The following MAF variants were observed in gnomAD, a reference collection of about 807,000 sequenced individuals.
The protein encoded by MAF is MAF bZIP transcription factor.
In MAF, 10 loss-of-function variants were observed where a neutral mutation model predicts 22.0. That is an observed-to-expected ratio of 0.45 (90% CI 0.28 to 0.77). The LOEUF (loss-of-function observed/expected upper bound fraction) is 0.77. Among genes scored for constraint, MAF ranks in the 30% least tolerant of loss-of-function variants. MAF has a pLI of 0.12. For synonymous variants in MAF, 337 were observed against 255.8 expected (o/e 1.32, Z -3.03); for missense variants, 544 against 548.4 (o/e 0.99, Z 0.08).
At chr16:79,235,355 C>A in the MAF span, among the ~76,000 whole-genome samples, 1 of 151,938 alleles carries the variant, frequency 6.6e-6, no homozygotes, top group South Asian at 2.1e-4. Context: ...GAGTTTGAGG[C>A]AAGCCTGGGG....
chr16:79,458,780 T>G, the MAF span, among the ~76,000 whole-genome samples: 1 of 152,170 alleles, frequency 6.6e-6, no homozygotes, highest in Non-Finnish European at 1.5e-5. Context: ...CCTTTGCATT[T>G]GCCAAAGGTC....
downstream of MAF, among the ~76,000 whole-genome samples, chr16:79,581,960 C>T (rs972083189): frequency 6.6e-6 from 1 of 152,128 alleles, no homozygotes; most frequent in Admixed American, 6.5e-5. Flanking sequence ...GGTATTAGTT[C>T]CTATGTGAAA....
the MAF span, among the ~76,000 whole-genome samples, chr16:79,386,150 T>G: frequency 2.8e-3 from 425 of 152,346 alleles, 4 homozygotes; most frequent in South Asian, 3.7e-3. Context: ...CCATGGGTTG[T>G]TGAGGGCATA....
At chr16:79,394,783 G>T in the MAF span, among the ~76,000 whole-genome samples, 19 of 152,256 alleles carry the variant, frequency 1.2e-4, 1 homozygote, top group Middle Eastern at 3.4e-3. Flanking sequence ...GTGCAACCTA[G>T]GTAGCAGGTT....
At chr16:79,425,218 T>C in the MAF span, among the ~76,000 whole-genome samples, 1 of 152,214 alleles carries the variant, frequency 6.6e-6, no homozygotes, top group Non-Finnish European at 1.5e-5. Flanking sequence ...TACATTCCCA[T>C]CTATTTGATT....
chr16:79,497,988 C>T, the MAF span, among the ~76,000 whole-genome samples: 1 of 152,198 alleles, frequency 6.6e-6, no homozygotes, highest in African/African-American at 2.4e-5. Context: ...ACAAGATATG[C>T]ACAGAGACTA....
chr16:79,212,056 C>G, the MAF span: 14 of 1,536,364 alleles, frequency 9.1e-6, no homozygotes, highest in South Asian at 1.4e-4. Flanking sequence ...AAGTAAAAAC[C>G]TGCTTGGTGT....
downstream of MAF, among the ~76,000 whole-genome samples, chr16:79,582,153 A>T (rs1302065424): frequency 6.6e-6 from 1 of 152,218 alleles, no homozygotes; most frequent in Non-Finnish European, 1.5e-5. Flanking sequence ...TAATTTCATT[A>T]GGTGTCAGGA....
At chr16:79,407,583 C>T in the MAF span, among the ~76,000 whole-genome samples, 1 of 152,238 alleles carries the variant, frequency 6.6e-6, no homozygotes, top group East Asian at 1.9e-4. Context: ...AACATCATGG[C>T]CATGGCACGA....
the MAF span, among the ~76,000 whole-genome samples, chr16:79,387,548 A>G: frequency 6.6e-6 from 1 of 152,138 alleles, no homozygotes; most frequent in African/African-American, 2.4e-5. Context: ...TGGGTAAGGC[A>G]ATGGCGACCA....
At chr16:79,267,300 C>G in the MAF span, among the ~76,000 whole-genome samples, 1 of 152,174 alleles carries the variant, frequency 6.6e-6, no homozygotes, top group Non-Finnish European at 1.5e-5. Flanking sequence ...CTAGCACTTG[C>G]AGTTAGATCT....
At chr16:79,527,398 C>G in the MAF span, among the ~76,000 whole-genome samples, 2 of 152,226 alleles carry the variant, frequency 1.3e-5, no homozygotes, top group Non-Finnish European at 2.9e-5. Flanking sequence ...CCTGGCATCT[C>G]AAGTCAGAAG....
At chr16:79,514,854 C>T in the MAF span, among the ~76,000 whole-genome samples, 1 of 152,234 alleles carries the variant, frequency 6.6e-6, no homozygotes, top group African/African-American at 2.4e-5. Context: ...TTCTCCTGCG[C>T]TTCTCTCCAA....
chr16:79,390,963 T>C, the MAF span, among the ~76,000 whole-genome samples: 1 of 152,144 alleles, frequency 6.6e-6, no homozygotes, highest in East Asian at 1.9e-4. Context: ...AGCCCTCAAG[T>C]GCTAGATTTA....
the MAF span, among the ~76,000 whole-genome samples, chr16:79,265,656 T>C: frequency 6.6e-6 from 1 of 152,198 alleles, no homozygotes; most frequent in Non-Finnish European, 1.5e-5. Context: ...CTATATACTA[T>C]TCATAATTTC....
chr16:79,421,492 G>T, the MAF span, among the ~76,000 whole-genome samples: 1 of 152,178 alleles, frequency 6.6e-6, no homozygotes, highest in Non-Finnish European at 1.5e-5. Context: ...TTTTCAGACT[G>T]GCTCTTGTCA....
chr16:79,267,697 T>C, the MAF span, among the ~76,000 whole-genome samples: 1 of 152,176 alleles, frequency 6.6e-6, no homozygotes, highest in Non-Finnish European at 1.5e-5. Flanking sequence ...TCCTCTTCTA[T>C]GAAATGAGAT....
At position 79,600,523 on chromosome 16, in the gene MAF, C is replaced by G; in HGVS notation, c.-621G>C. On this transcript the variant is annotated 5_prime_UTR_variant, in exon 1 of 2. Transcript: ENST00000326043. ...TCTCTCTCCCTCGCGCGCTCTCTAC[C>G]TCTGTGCAAAGTGCAAGGCAGAGGT... The G allele has an allele frequency of 5.1e-6, 1 of 194,890 alleles. No homozygotes were observed. Among genetic ancestry groups the G allele is most frequent in the Non-Finnish European group, 1.2e-5 (1 of 84,478 alleles). The allele number at this position is 194,890 out of a possible 1,614,324, so 12.1% of individuals were successfully genotyped here. A position where few individuals can be genotyped will look rare whatever the true frequency, so the allele number is the denominator to read the frequency against.
At chr16:79,596,007 G>T in intron 1 of MAF, 1 of 1,060,812 alleles carries the variant, frequency 9.4e-7, no homozygotes. Context: ...GAAAATCTCG[G>T]TGTGTAAGAG....
Sources: gnomAD v4.1 joint callset for allele counts (sites outside exome capture counted in the v4.1 genomes callset) on GRCh38, gnomAD v4.1.1 for gene constraint, MANE v1.5 for transcripts, NCBI Gene and HGNC (gene_info 2026-07-23, HGNC 2026-07-21) for gene names.